Variants in RFC5 observed in about 807,000 individuals in gnomAD.
RFC5 encodes A1 36 kDa subunit.
A neutral mutation model predicts 44.3 loss-of-function variants in RFC5; 26 were observed. The ratio of observed to expected loss-of-function variants is 0.59; its 90% CI spans 0.43 to 0.81. RFC5 has a LOEUF of 0.81. RFC5 is among the 40% of genes least tolerant of loss of function. The pLI, the probability that RFC5 is intolerant of heterozygous loss-of-function variation, is 0.00. For missense variants in RFC5, 328 were observed against 418.6 expected, an observed-to-expected ratio of 0.78 and a Z score of 1.89; for synonymous variants, 155 against 155.2, an observed-to-expected ratio of 1.00 and a Z score of 0.01.
intron 1 of RFC5, chr12:118,017,692 A>C: frequency 2.4e-6 from 2 of 827,000 alleles, no homozygotes; most frequent in South Asian, 2.0e-5. Context: ...TTTTTTAGAG[A>C]CAGGGTCTCG....
chr12:118,034,316 G>C, downstream of RFC5: 1 of 1,614,216 alleles, frequency 6.2e-7, no homozygotes, highest in Non-Finnish European at 8.5e-7. Flanking sequence ...GTGAGGACAG[G>C]ACCCTAGGAG....
At chr12:118,034,558 C>T, downstream of RFC5, 2 of 529,816 alleles carry the variant, frequency 3.8e-6, no homozygotes, top group East Asian at 3.2e-5. Context: ...ACTCAAGACA[C>T]CTGTGATACC....
downstream of RFC5, chr12:118,034,581 C>G (rs1593460649): frequency 3.8e-6 from 2 of 531,716 alleles, no homozygotes; most frequent in Non-Finnish European, 6.5e-6. Flanking sequence ...AGCGCTCTCT[C>G]TGTCTCTCTC....
At chr12:118,021,046 A>G (rs1376942138) in intron 4 of RFC5, 61 bp downstream of exon 4, 1 of 1,049,894 alleles carries the variant, frequency 9.5e-7, no homozygotes, top group South Asian at 1.3e-5. Context: ...ATATGGGTTA[A>G]TTTTTTAATC....
downstream of RFC5, chr12:118,036,456 G>C (rs776589314): frequency 4.3e-6 from 7 of 1,614,206 alleles, no homozygotes; most frequent in Admixed American, 1.7e-5. Flanking sequence ...ACACTGCTTT[G>C]ATGGCCCTCT....
chr12:118,027,947 C>G lies in RFC5; in HGVS notation c.794-6C>G. On this transcript the variant is annotated splice_region_variant and splice_polypyrimidine_tract_variant and intron_variant, in intron 8 of 10. Coordinates refer to ENST00000454402, the MANE Select transcript of RFC5 (RefSeq NM_007370.7). The stretch of plus-strand genomic sequence containing the variant: ...CTTGTTCCCTTTGCCTTAACTGCTC[C>G]TCTAGATATTACAGAGTTGAAAACT... 1 of 1,587,428 alleles carries G rather than the reference C, an allele frequency of 6.3e-7. No homozygotes were observed. The highest frequency in any genetic ancestry group is 8.6e-7 in the Non-Finnish European group (1 of 1,156,094).
At chr12:118,028,148 C>G (rs756054699) in intron 9 of RFC5, 118 bp downstream of exon 9, 75 of 702,350 alleles carry the variant, frequency 1.1e-4, no homozygotes, top group Non-Finnish European at 1.8e-4. Flanking sequence ...AATTGTAAAT[C>G]AGACCCTTCT....
chr12:118,034,369 A>T (rs1302677115), downstream of RFC5: 8 of 1,612,772 alleles, frequency 5.0e-6, no homozygotes, highest in Non-Finnish European at 5.1e-6. Flanking sequence ...CTAAAATGAA[A>T]CAGAAACCGA....
chr12:118,024,173 C>T (rs1339878596), intron 5 of RFC5, among the ~76,000 whole-genome samples: 2 of 151,926 alleles, frequency 1.3e-5, no homozygotes, highest in African/African-American at 4.8e-5. Flanking sequence ...AACCCCGTCT[C>T]TACTAAAAAT....
At chr12:118,028,144 A>G in intron 9 of RFC5, 114 bp downstream of exon 9, 3 of 712,414 alleles carry the variant, frequency 4.2e-6, no homozygotes, top group Non-Finnish European at 7.6e-6. Flanking sequence ...AATGAATTGT[A>G]AATCAGACCC....
chr12:118,037,393 G>A (rs751649287), downstream of RFC5, among the ~76,000 whole-genome samples: 8 of 151,842 alleles, frequency 5.3e-5, no homozygotes, highest in East Asian at 1.9e-4. Flanking sequence ...CAGGCCAGGC[G>A]CGGTGGCTCA....
rs1022292990 is a variant in RFC5, at chr12:118,024,839, T to G, written c.422-12T>G. 6.3e-7 allele frequency: 1 copy of G among 1,594,030 alleles called. No individual in the cohort carries two copies. The highest frequency in any genetic ancestry group is 1.8e-5 in the Admixed American group (1 of 55,274). On this transcript the variant is annotated splice_polypyrimidine_tract_variant and intron_variant, in intron 5 of 10. Coordinates refer to ENST00000454402, the MANE Select transcript of RFC5 (RefSeq NM_007370.7). Reference sequence around the variant, plus strand: ...GACTTTGACATGAGGTGGTTTTATTTTCTCTTACTAGTAATTGAGAAATTC... The same window carrying G: ...GACTTTGACATGAGGTGGTTTTATTGTCTCTTACTAGTAATTGAGAAATTC...
chr12:118,027,263 G>T (rs936451092), intron 8 of RFC5: 4 of 475,804 alleles, frequency 8.4e-6, no homozygotes, highest in African/African-American at 3.9e-5. Context: ...CTCACAGATG[G>T]GAGAAAAGCT....
At chr12:118,035,391 C>G (rs2031488332), downstream of RFC5, 4 of 1,475,802 alleles carry the variant, frequency 2.7e-6, no homozygotes, top group African/African-American at 1.4e-5. Flanking sequence ...CATCATCACC[C>G]TAGGCAGGAA....
At chr12:118,036,744 A>G (rs1212428464), downstream of RFC5, among the ~76,000 whole-genome samples, 1 of 152,232 alleles carries the variant, frequency 6.6e-6, no homozygotes, top group Non-Finnish European at 1.5e-5. Flanking sequence ...ATAAGAGAGA[A>G]TAAACCAGAT....
intron 5 of RFC5, among the ~76,000 whole-genome samples, chr12:118,024,642 C>A (rs1021482624): frequency 1.3e-5 from 2 of 151,918 alleles, no homozygotes; most frequent in Non-Finnish European, 2.9e-5. Context: ...ACCTCCTGAC[C>A]TCAAGTGATC....
At chr12:118,034,755 G>T (rs1243900333), downstream of RFC5, 2 of 554,124 alleles carry the variant, frequency 3.6e-6, no homozygotes, top group Non-Finnish European at 6.3e-6. Flanking sequence ...TTGTGAACTT[G>T]GCCCATTAGG....
Position 118,022,408 on chromosome 12 carries a change from G to A in RFC5, c.421+49G>A, listed in dbSNP as rs755279542. On this transcript the variant is annotated intron_variant, in intron 5 of 10. Coordinates refer to ENST00000454402, the MANE Select transcript of RFC5 (RefSeq NM_007370.7). ...TTTGGGCTGGTGTGCACACTGGAAGGAGAATTAGGAACTTTGTGTTTGTTG... is the reference window on the plus strand; with the variant it reads ...TTTGGGCTGGTGTGCACACTGGAAGAAGAATTAGGAACTTTGTGTTTGTTG... The A allele has an allele frequency of 4.0e-5, 50 of 1,252,348 alleles. 1 individual carries two copies. The highest frequency in any genetic ancestry group is 2.3e-4 in the Admixed American group (13 of 56,554). 77.6% of individuals were successfully genotyped at this position (1,252,348 alleles called of 1,614,324 possible). A position where few individuals can be genotyped will look rare whatever the true frequency, so the allele number is the denominator to read the frequency against.
the RFC5 span, chr12:118,038,466 T>A: frequency 7.2e-7 from 1 of 1,384,720 alleles, no homozygotes; most frequent in Non-Finnish European, 1.0e-6. Flanking sequence ...ACTGGGGTGG[T>A]AACAGCCCCC....
Sources: allele counts gnomAD v4.1 joint callset (sites outside exome capture counted in the v4.1 genomes callset), GRCh38; gene constraint gnomAD v4.1.1; transcripts MANE v1.5; gene names NCBI Gene and HGNC (gene_info 2026-07-23, HGNC 2026-07-21).